GLIPR1L2: variants seen among roughly 807,000 people sequenced by gnomAD.
GLIPR1L2 encodes the protein GLIPR1 like 2, also known as GLIPR1-like protein 2.
Under a neutral mutation model 28.4 loss-of-function variants are expected in GLIPR1L2, and 21 were observed. That is an observed-to-expected ratio of 0.74 (90% CI 0.52 to 1.06). The LOEUF (loss-of-function observed/expected upper bound fraction) is 1.06. Among genes scored for constraint, GLIPR1L2 ranks in the 50% least tolerant of loss-of-function variants. GLIPR1L2 has a pLI of 0.00. For missense variants in GLIPR1L2, 476 were observed against 416.9 expected (o/e 1.14, Z -1.23); for synonymous variants, 145 against 139.3 (o/e 1.04, Z -0.29).
intron 4 of GLIPR1L2, 81 bp downstream of exon 4, chr12:75,423,070 T>A (rs1292478768): frequency 1.2e-6 from 2 of 1,603,968 alleles, no homozygotes; most frequent in Non-Finnish European, 1.7e-6. Flanking sequence ...TAGTTTTTTA[T>A]GGTCATGTTA....
intron 1 of GLIPR1L2, among the ~76,000 whole-genome samples, chr12:75,408,939 G>A (rs1010240275): frequency 2.4e-4 from 37 of 151,926 alleles, no homozygotes; most frequent in Admixed American, 6.6e-4. Context: ...GTAGTAGGGA[G>A]ATATTCTAAA....
intron 4 of GLIPR1L2, chr12:75,424,159 G>T (rs904520471): frequency 6.6e-6 from 1 of 152,130 alleles, no homozygotes; most frequent in Non-Finnish European, 1.5e-5. Context: ...TTCCACAATG[G>T]TTGAACTAGT....
intron 1 of GLIPR1L2, among the ~76,000 whole-genome samples, chr12:75,401,062 G>C (rs1158123463): frequency 6.6e-6 from 1 of 151,740 alleles, no homozygotes; most frequent in Non-Finnish European, 1.5e-5. Flanking sequence ...AAAGTTACTT[G>C]AACTTCCAGA....
intron 1 of GLIPR1L2, among the ~76,000 whole-genome samples, chr12:75,397,366 A>T (rs1245206616): frequency 1.3e-5 from 2 of 151,818 alleles, no homozygotes; most frequent in African/African-American, 2.4e-5. Flanking sequence ...ATTTTCATAA[A>T]ATATTTTTAG....
chr12:75,409,982 T>C (rs1479233573), intron 1 of GLIPR1L2, among the ~76,000 whole-genome samples: 2 of 151,052 alleles, frequency 1.3e-5, no homozygotes, highest in African/African-American at 4.8e-5. Flanking sequence ...TAAAGCAATG[T>C]GAGGACAAAA....
chr12:75,404,228 G>A (rs35968211), intron 1 of GLIPR1L2, among the ~76,000 whole-genome samples: 27,285 of 152,016 alleles, frequency 0.18, 2,708 homozygotes, highest in Admixed American at 0.24. Context: ...ATACATATGT[G>A]TGTTATGTAT....
In GLIPR1L2 at chr12:75,395,399, A is replaced by G. The variant is rs1256050266; in HGVS notation, c.234+4049A>G. Among the ~76,000 whole-genome samples the G allele has an allele frequency of 2.0e-5, 3 of 151,924 alleles. No homozygotes were observed. In the East Asian group the frequency reaches 5.8e-4, roughly 29 times the overall value. On this transcript the variant is annotated intron_variant, in intron 1 of 5. Coordinates refer to ENST00000550916, the MANE Select transcript of GLIPR1L2 (RefSeq NM_001270396.2). ...TAATATTCCTAAAAGATACTGACCTATAGTTTTCTTATAGTATCTTTTTCT... is the reference window on the plus strand; with the variant it reads ...TAATATTCCTAAAAGATACTGACCTGTAGTTTTCTTATAGTATCTTTTTCT...
Position 75,401,331 on chromosome 12 carries a change from T to G in GLIPR1L2, c.235-9103T>G, listed in dbSNP as rs567648895. Among the ~76,000 whole-genome samples the G allele has an allele frequency of 8.4e-4, 125 of 149,474 alleles. 1 individual carries two copies. Among genetic ancestry groups the G allele is most frequent in the African/African-American group, 2.8e-3 (114 of 40,788 alleles). On this transcript the variant is annotated intron_variant, in intron 1 of 5. Coordinates refer to ENST00000550916, the MANE Select transcript of GLIPR1L2 (RefSeq NM_001270396.2). ...AAGTTAAAAAAGAGAAACAATATTA[T>G]AAAATAATATAGAAATGAAGACTAA... is the stretch of plus-strand genomic sequence containing the variant.
chr12:75,409,546 A>AT (rs1264817430), intron 1 of GLIPR1L2, among the ~76,000 whole-genome samples: 2 of 136,148 alleles, frequency 1.5e-5, no homozygotes, highest in Non-Finnish European at 1.6e-5. Context: ...GTGTTAAAAG[A>AT]TTTTTTTTGG....
intron 1 of GLIPR1L2, among the ~76,000 whole-genome samples, chr12:75,399,423 A>G (rs1459860123): frequency 2.0e-5 from 3 of 152,200 alleles, no homozygotes; most frequent in Admixed American, 2.0e-4. Flanking sequence ...CTAGTCAACA[A>G]TTCCCCACAG....
rs1202333095 is a variant in GLIPR1L2, at chr12:75,431,899, A to G, written c.*738A>G. 6.6e-6 allele frequency: 1 copy of G among 152,106 alleles called. No homozygotes were observed. 9.4% of individuals were successfully genotyped at this position (152,106 alleles called of 1,614,324 possible). On this transcript the variant is annotated 3_prime_UTR_variant, in exon 6 of 6. Transcript: ENST00000550916. Reference sequence around the variant, plus strand: ...TTAAAAACTATTAACTTGTTATTCAATAGGTATAGTAAAAGTTAACAGATT... The same window carrying G: ...TTAAAAACTATTAACTTGTTATTCAGTAGGTATAGTAAAAGTTAACAGATT...
chr12:75,409,578 T>C (rs545546438), intron 1 of GLIPR1L2, among the ~76,000 whole-genome samples: 6 of 147,042 alleles, frequency 4.1e-5, no homozygotes, highest in Non-Finnish European at 6.0e-5. Flanking sequence ...TATATATATA[T>C]ACACACACAC....
In GLIPR1L2 at chr12:75,422,977, G is replaced by A. The variant is rs2045993313; in HGVS notation, c.658G>A (p.Asp220Asn). Residue 220 changes from aspartate to asparagine, a missense_variant, in exon 4 of 6, where the codon GAT becomes AAT. By Grantham distance (23) the Asp-to-Asn change is conservative (BLOSUM62 1). Transcript: ENST00000550916. ...TRCGRRDKCT[D>N]FLCSNADRDQ... ...ATGTGGCAGACGTGACAAATGCACA[G>A]ATTTTCTATGCAGTAAGATAAAGAA... 6.2e-7 allele frequency: 1 copy of A among 1,612,534 alleles called. No homozygotes were observed. Among genetic ancestry groups the A allele is most frequent in the Non-Finnish European group, 8.5e-7 (1 of 1,179,130 alleles).
Position 75,410,482 on chromosome 12 carries a change from T to C in GLIPR1L2, c.283T>C (p.Cys95Arg). The change falls in exon 2 of 6, where the codon TGT becomes CGT. Residue 95 changes from cysteine to arginine, a missense_variant. Cys to Arg is a radical substitution (Grantham distance 180). Transcript: ENST00000550916. ...GACTGCTAGAGCATGGGGAAAAAAA[T>C]GTTTGTTTACGCATAATATTTATTT... ...SRTARAWGKK[C>R]LFTHNIYLQD... The C allele has an allele frequency of 6.2e-7, 1 of 1,608,504 alleles. No homozygotes were observed. The highest frequency in any genetic ancestry group is 8.5e-7 in the Non-Finnish European group (1 of 1,176,580).
intron 1 of GLIPR1L2, among the ~76,000 whole-genome samples, chr12:75,393,682 G>T (rs1244788323): frequency 1.3e-5 from 2 of 151,960 alleles, no homozygotes; most frequent in African/African-American, 4.8e-5. Context: ...TTTGGCTGTT[G>T]TGAATAATAC....
chr12:75,397,314 A>AT (rs2045691643), intron 1 of GLIPR1L2, among the ~76,000 whole-genome samples: 1 of 151,166 alleles, frequency 6.6e-6, no homozygotes, highest in African/African-American at 2.4e-5. Context: ...TATGATTTCT[A>AT]TTTTTACACT....
rs1238152709 is a variant in GLIPR1L2, at chr12:75,399,781, A to G, written c.234+8431A>G. On this transcript the variant is annotated intron_variant, in intron 1 of 5. Transcript: ENST00000550916. ...TAAAATTGCTTCTGGATTTTGTGTCAAAGTCAAAGACCATGCCTACTCCAT... is the reference window on the plus strand; with the variant it reads ...TAAAATTGCTTCTGGATTTTGTGTCGAAGTCAAAGACCATGCCTACTCCAT... Among the ~76,000 whole-genome samples the G allele has an allele frequency of 3.9e-5, 6 of 152,312 alleles. No homozygotes were observed. The South Asian group carries it at 1.0e-3, about 26-fold the overall frequency.
intron 3 of GLIPR1L2, among the ~76,000 whole-genome samples, chr12:75,419,142 C>T (rs190223191): frequency 2.5e-4 from 38 of 151,582 alleles, no homozygotes; most frequent in African/African-American, 7.5e-4. Flanking sequence ...CACATGTACC[C>T]GAGAATTTAA....
rs541615898 is a variant in GLIPR1L2 at position 75,400,316 on chromosome 12, G to A, written c.234+8966G>A. Among the ~76,000 whole-genome samples the A allele has an allele frequency of 9.9e-5, 15 of 151,982 alleles. No individual in the cohort carries two copies. The South Asian group carries it at 3.1e-3, about 32-fold the overall frequency. ...TTTTGTATTTTTTTTAGTAGATATA[G>A]GTTTTCACCACGTTATAGGATGGTC... On this transcript the variant is annotated intron_variant, in intron 1 of 5. Coordinates refer to ENST00000550916, the MANE Select transcript of GLIPR1L2 (RefSeq NM_001270396.2).
Sources: gnomAD v4.1 joint callset for allele counts (sites outside exome capture counted in the v4.1 genomes callset) on GRCh38, gnomAD v4.1.1 for gene constraint, MANE v1.5 for transcripts, NCBI Gene and HGNC (gene_info 2026-07-23, HGNC 2026-07-21) for gene names.